Variants in NPAS3 observed in about 807,000 individuals in gnomAD.
NPAS3 encodes neuronal PAS domain-containing protein 3.
In NPAS3, 14 loss-of-function variants were observed where a neutral mutation model predicts 73.1. The ratio of observed to expected loss-of-function variants is 0.19; its 90% CI spans 0.13 to 0.30. The LOEUF is 0.30. NPAS3 is among the 10% of genes least tolerant of loss of function. The probability of loss-of-function intolerance (pLI) is 1.00; values close to 1 mark genes in which losing one functional copy is unlikely to be tolerated. For missense variants in NPAS3, 1,096 were observed against 1,250.0 expected (o/e 0.88, Z 1.86); for synonymous variants, 620 against 541.5 (o/e 1.14, Z -2.01).
intron 2 of NPAS3, among the ~76,000 whole-genome samples, chr14:33,199,524 C>T (rs1594374338): frequency 6.6e-6 from 1 of 152,160 alleles, no homozygotes; most frequent in East Asian, 1.9e-4. Context: ...CAGTTTACCT[C>T]AGTTTGGTGC....
chr14:33,144,695 A>C (rs1267933278), intron 2 of NPAS3, among the ~76,000 whole-genome samples: 1 of 152,138 alleles, frequency 6.6e-6, no homozygotes, highest in African/African-American at 2.4e-5. Context: ...ATGTGCACCA[A>C]AACACCCAGC....
At chr14:33,271,585 A>T (rs2041085582) in intron 3 of NPAS3, among the ~76,000 whole-genome samples, 1 of 152,160 alleles carries the variant, frequency 6.6e-6, no homozygotes, top group African/African-American at 2.4e-5. Flanking sequence ...ATGCTTAAAA[A>T]AGGATAATAA....
chr14:33,650,693 G>A (rs1172985708), intron 5 of NPAS3, among the ~76,000 whole-genome samples: 1 of 152,084 alleles, frequency 6.6e-6, no homozygotes, highest in African/African-American at 2.4e-5. Context: ...TGCTGCCACT[G>A]TAGATGACAT....
At chr14:33,657,319 A>C (rs1200838003) in intron 5 of NPAS3, among the ~76,000 whole-genome samples, 1 of 152,206 alleles carries the variant, frequency 6.6e-6, no homozygotes, top group Non-Finnish European at 1.5e-5. Context: ...AAGCCTTCTA[A>C]GGTCATCAGT....
chr14:33,428,214 T>C (rs2048634003), intron 4 of NPAS3, among the ~76,000 whole-genome samples: 2 of 152,150 alleles, frequency 1.3e-5, no homozygotes, highest in Non-Finnish European at 2.9e-5. Flanking sequence ...TTTCCCATTC[T>C]ACCACTTGCT....
At chr14:33,664,793 T>G (rs2059405498) in intron 5 of NPAS3, among the ~76,000 whole-genome samples, 1 of 152,082 alleles carries the variant, frequency 6.6e-6, no homozygotes, top group Non-Finnish European at 1.5e-5. Context: ...GAAATGCAAA[T>G]CAAAACCACA....
chr14:33,499,200 A>G (rs2052392052), intron 4 of NPAS3, among the ~76,000 whole-genome samples: 1 of 151,916 alleles, frequency 6.6e-6, no homozygotes, highest in Non-Finnish European at 1.5e-5. Flanking sequence ...CACCATGTTC[A>G]GGCTTGATTC....
chr14:32,938,590 A>G (rs968258550), upstream of NPAS3, among the ~76,000 whole-genome samples: 2 of 151,256 alleles, frequency 1.3e-5, no homozygotes. Context: ...GAAAATGCCC[A>G]GAAATACTTT....
intron 2 of NPAS3, among the ~76,000 whole-genome samples, chr14:33,147,080 TG>T (rs2044262292): frequency 6.6e-6 from 1 of 152,276 alleles, no homozygotes; most frequent in East Asian, 1.9e-4. Flanking sequence ...TTTTTAAAGA[TG>T]GGCACAATGG....
At chr14:32,973,348 A>G (rs1318580484) in intron 1 of NPAS3, among the ~76,000 whole-genome samples, 1 of 152,130 alleles carries the variant, frequency 6.6e-6, no homozygotes, top group Non-Finnish European at 1.5e-5. Flanking sequence ...ATGGTCCATT[A>G]TTCTGCCATG....
At chr14:33,111,492 C>T (rs937055533) in intron 2 of NPAS3, among the ~76,000 whole-genome samples, 1 of 152,094 alleles carries the variant, frequency 6.6e-6, no homozygotes, top group Non-Finnish European at 1.5e-5. Context: ...AACCAACTCA[C>T]TTTATAATTT....
intron 2 of NPAS3, among the ~76,000 whole-genome samples, chr14:33,171,347 A>G (rs1284860255): frequency 1.3e-5 from 2 of 152,200 alleles, no homozygotes; most frequent in East Asian, 3.9e-4. Flanking sequence ...TAATGGCCCT[A>G]GGATTTTCAG....
At chr14:33,768,526 C>T (rs1311276705) in intron 7 of NPAS3, among the ~76,000 whole-genome samples, 1 of 152,194 alleles carries the variant, frequency 6.6e-6, no homozygotes, top group Admixed American at 6.5e-5. Context: ...TATTCTGAAA[C>T]TCCTGCCCCC....
rs28420532 is a variant in NPAS3 at position 33,770,809 on chromosome 14, A to G, written c.853-3528A>G. Among the ~76,000 whole-genome samples the G allele has an allele frequency of 5.1e-3, 783 of 152,296 alleles. 6 individuals carry two copies. Among genetic ancestry groups the G allele is most frequent in the African/African-American group, 0.018 (744 of 41,550 alleles). On this transcript the variant is annotated intron_variant, in intron 7 of 11. Coordinates refer to ENST00000356141, the Ensembl canonical transcript of NPAS3. ...CAGCAACTCGGGAGGCTGAGGCAGG[A>G]GAACTGCTTGAACCTGGGAGACGGT...
chr14:33,222,145 G>A (rs2047454091), intron 3 of NPAS3, among the ~76,000 whole-genome samples: 1 of 152,126 alleles, frequency 6.6e-6, no homozygotes, highest in East Asian at 1.9e-4. Context: ...TCTCTGTGTA[G>A]CATTTCTTCC....
At chr14:33,250,108 G>T (rs2048528487) in intron 3 of NPAS3, among the ~76,000 whole-genome samples, 1 of 152,108 alleles carries the variant, frequency 6.6e-6, no homozygotes, top group Admixed American at 6.6e-5. Flanking sequence ...TTACATCGGG[G>T]TAGGTAGATA....
chr14:33,265,577 A>G (rs138799908), intron 3 of NPAS3, among the ~76,000 whole-genome samples: 2,530 of 152,282 alleles, frequency 0.017, 27 homozygotes, highest in Middle Eastern at 0.048. Context: ...TATGGGCTGT[A>G]CATGTGTTCA....
At chr14:33,381,745 C>G (rs1320227290) in intron 4 of NPAS3, among the ~76,000 whole-genome samples, 1 of 152,156 alleles carries the variant, frequency 6.6e-6, no homozygotes, top group Non-Finnish European at 1.5e-5. Context: ...TCAATGGAAA[C>G]AAGAGGACAT....
intron 3 of NPAS3, among the ~76,000 whole-genome samples, chr14:33,344,694 A>G (rs2044646286): frequency 6.6e-6 from 1 of 152,224 alleles, no homozygotes; most frequent in African/African-American, 2.4e-5. Flanking sequence ...GAATCATATA[A>G]TAAAGCAATT....
Sources: allele counts gnomAD v4.1 joint callset (sites outside exome capture counted in the v4.1 genomes callset), GRCh38; gene constraint gnomAD v4.1.1; transcripts MANE v1.5; gene names NCBI Gene and HGNC (gene_info 2026-07-23, HGNC 2026-07-21).